CLASRP: variants seen among roughly 807,000 people sequenced by gnomAD.
CLASRP encodes CLK4-associating serine/arginine rich protein.
A neutral mutation model predicts 99.9 loss-of-function variants in CLASRP; 52 were observed. The observed-to-expected ratio is 0.52, with a 90% confidence interval of 0.42 to 0.66. The LOEUF is 0.66. CLASRP is among the 30% of genes least tolerant of loss of function. The pLI is 0.00. For synonymous variants in CLASRP, 379 were observed against 373.0 expected (o/e 1.02, Z -0.18); for missense variants, 848 against 999.2 (o/e 0.85, Z 2.04).
chr19:45,053,123 C>T lies in CLASRP; in HGVS notation c.325C>T (p.Arg109Trp), dbSNP rs925218809. The T allele has an allele frequency of 1.9e-6, 3 of 1,613,998 alleles. No individual in the cohort carries two copies. Among genetic ancestry groups the T allele is most frequent in the Non-Finnish European group, 2.5e-6 (3 of 1,179,998 alleles). Residue 109 changes from arginine (R) to tryptophan (W), a missense_variant, in exon 5 of 21, where the codon CGG becomes TGG. By Grantham distance (101) the Arg-to-Trp change is moderately radical. Coordinates refer to ENST00000221455, the MANE Select transcript of CLASRP (RefSeq NM_007056.3). ...CTCCCCAGAACAGGAGTCGGACGAA[C>T]GGAAGTGTAACTACGAGCGCTACAG... Reference protein sequence around the residue: ...TISPEQESDERKCNYERYRGL... With the variant: ...TISPEQESDEWKCNYERYRGL...
rs1972144382 is a variant in CLASRP at position 45,057,648 on chromosome 19, T to C, written c.465-102T>C. ...GAGGGTCCTAGGCTGAGGGAGAGCC[T>C]GAGGGGAGGGGGCCGTGGCACTCGA... On this transcript the variant is annotated intron_variant, in intron 6 of 20. Transcript: ENST00000221455. 2.2e-6 allele frequency: 3 copies of C among 1,373,444 alleles called. No individual in the cohort carries two copies. In the East Asian group the frequency reaches 6.9e-5, roughly 32 times the overall value. 85.1% of individuals were successfully genotyped at this position (1,373,444 alleles called of 1,614,324 possible).
At position 45,040,267 on chromosome 19, in the gene CLASRP, T is replaced by A; in HGVS notation, c.55T>A (p.Tyr19Asn). 6.2e-7 allele frequency: 1 copy of A among 1,612,430 alleles called. No individual in the cohort carries two copies. ...GAAGCTTCGAGGCATGATGGTCGACTACAAGAAGAGGGCGGAGCGGAGACG... is the reference window on the plus strand; with the variant it reads ...GAAGCTTCGAGGCATGATGGTCGACAACAAGAAGAGGGCGGAGCGGAGACG... ...ERKLRGMMVD[Y>N]KKRAERRREY... The change falls in exon 2 of 21, where the codon TAC becomes AAC. Residue 19 changes from tyrosine to asparagine, a missense_variant. Tyr to Asn is a moderately radical substitution (Grantham distance 143, BLOSUM62 -2). Transcript: ENST00000221455.
rs762972082 is a variant in CLASRP at position 45,052,868 on chromosome 19, A to T, written c.275A>T (p.Tyr92Phe). 2 of 1,610,994 alleles carry T rather than the reference A, an allele frequency of 1.2e-6. No individual in the cohort carries two copies. Among genetic ancestry groups the T allele is most frequent in the East Asian group, 4.5e-5 (2 of 44,818 alleles). Reference protein sequence around the residue: ...VRAHLDHIPDYTPPLLTTISP... With the variant: ...VRAHLDHIPDFTPPLLTTISP... ...GCCCACCTGGACCACATCCCCGACT[A>T]CACCCCCCCTCTGCTCACCACCATG... The change falls in exon 4 of 21, where the codon TAC becomes TTC. Residue 92 changes from tyrosine (Y) to phenylalanine (F), a missense_variant. By Grantham distance (22) the Tyr-to-Phe change is conservative. Around this residue, in one of 8 missense-constraint regions of CLASRP, gnomAD observed 54 missense variants for 38.7 expected, o/e 1.39. Coordinates refer to ENST00000221455, the MANE Select transcript of CLASRP (RefSeq NM_007056.3).
chr19:45,060,800 A>C lies in CLASRP; in HGVS notation c.863+173A>C, dbSNP rs1966922603. Among the ~76,000 whole-genome samples the C allele has an allele frequency of 1.3e-5, 2 of 152,188 alleles. No individual in the cohort carries two copies. The highest frequency in any genetic ancestry group is 1.3e-4 in the Admixed American group (2 of 15,284). On this transcript the variant is annotated intron_variant, in intron 10 of 20. Transcript: ENST00000221455. The surrounding 1 kb of genome is among the most constrained non-coding windows in gnomAD (Gnocchi z 4.6). ...AGAGGTAGGAACGGCCTTGAGGGCC[A>C]TGTGGACTCCTTTCCTTGCCAGCCC...
intron 2 of CLASRP, among the ~76,000 whole-genome samples, chr19:45,047,104 C>G (rs1600096183): frequency 6.6e-6 from 1 of 151,946 alleles, no homozygotes; most frequent in Admixed American, 6.6e-5. Context: ...TAGCAATAGC[C>G]AAGAGGTGGA....
intron 2 of CLASRP, 45 bp from the exon 3 acceptor site, chr19:45,052,026 T>C (rs763169711): frequency 6.6e-7 from 1 of 1,505,510 alleles, no homozygotes; most frequent in Non-Finnish European, 9.2e-7. Context: ...GGGTGGGGTT[T>C]GGAGCTCTGT....
At chr19:45,070,438 C>G (rs1215101602) in intron 19 of CLASRP, 99 bp from the exon 20 acceptor site, 1 of 1,065,664 alleles carries the variant, frequency 9.4e-7, no homozygotes. Context: ...CATTTGGAGA[C>G]AACCCCTGAA....
intron 7 of CLASRP, among the ~76,000 whole-genome samples, chr19:45,058,934 C>T (rs932322224): frequency 6.6e-6 from 1 of 152,012 alleles, no homozygotes; most frequent in African/African-American, 2.4e-5. Flanking sequence ...CCTTCCTTGC[C>T]TCCATTCCAT....
intron 11 of CLASRP, 135 bp from the exon 12 acceptor site, chr19:45,063,877 C>T: frequency 2.3e-6 from 3 of 1,281,400 alleles, no homozygotes; most frequent in Non-Finnish European, 3.2e-6. Context: ...CCACTGCCCT[C>T]CAGGCTCCAT....
chr19:45,045,918 C>T (rs1273581757), intron 2 of CLASRP, among the ~76,000 whole-genome samples: 1 of 152,136 alleles, frequency 6.6e-6, no homozygotes, highest in Non-Finnish European at 1.5e-5. Flanking sequence ...GACTCCAGGC[C>T]CCCTCCCTGT....
At chr19:45,053,368 T>C (rs1972063035) in intron 5 of CLASRP, among the ~76,000 whole-genome samples, 191 bp downstream of exon 5, 1 of 152,218 alleles carries the variant, frequency 6.6e-6, no homozygotes, top group South Asian at 2.1e-4. Flanking sequence ...AGGGGATGTC[T>C]GCCGAATGGG....
chr19:45,064,202 G>A lies in CLASRP; in HGVS notation c.1096G>A (p.Ala366Thr), dbSNP rs759482682. 57 of 1,600,468 alleles carry A rather than the reference G, an allele frequency of 3.6e-5. No homozygotes were observed. Among genetic ancestry groups the A allele is most frequent in the Non-Finnish European group, 4.6e-5 (54 of 1,174,792 alleles). ...CGCACCTCCCCAGCCTGGCGGCCCCGCCCCGGGACGTAATGCCAGCGCCCG... is the reference window on the plus strand; with the variant it reads ...CGCACCTCCCCAGCCTGGCGGCCCCACCCCGGGACGTAATGCCAGCGCCCG... ...PPAPPQPGGP[A>T]PGRNASARRR... Residue 366 changes from alanine to threonine, a missense_variant, in exon 12 of 21, where the codon GCC becomes ACC. Transcript: ENST00000221455.
intron 1 of CLASRP, chr19:45,039,925 A>G (rs1971781157): frequency 3.7e-6 from 1 of 270,974 alleles, no homozygotes; most frequent in South Asian, 5.1e-5. Flanking sequence ...CAGCGCGTGG[A>G]ATCTAGGACA....
intron 2 of CLASRP, among the ~76,000 whole-genome samples, chr19:45,048,366 C>A (rs1455916888): frequency 6.6e-6 from 1 of 150,674 alleles, no homozygotes; most frequent in Non-Finnish European, 1.5e-5. Flanking sequence ...GAAATCCCGT[C>A]TCTACTAAAA....
rs953726439 is a variant in CLASRP, at chr19:45,064,769, G to C, written c.1409+139G>C. Reference sequence around the variant, plus strand: ...TCTAAGGGGACAGGCACAGGCCACTGCTCTTCCGCAGGAAGCCCTTGGTTG... The same window carrying C: ...TCTAAGGGGACAGGCACAGGCCACTCCTCTTCCGCAGGAAGCCCTTGGTTG... On this transcript the variant is annotated intron_variant, in intron 13 of 20. Transcript: ENST00000221455. 8.5e-6 allele frequency: 12 copies of C among 1,412,410 alleles called. No individual in the cohort carries two copies. The African/African-American group carries it at 1.7e-4, about 20-fold the overall frequency. 87.5% of individuals were successfully genotyped at this position (1,412,410 alleles called of 1,614,324 possible).
At chr19:45,052,209 G>A (rs541726457) in intron 3 of CLASRP, 41 bp downstream of exon 3, 13 of 1,578,716 alleles carry the variant, frequency 8.2e-6, no homozygotes, top group Non-Finnish European at 1.0e-5. Flanking sequence ...CTGAAGTCTG[G>A]GAGTCAAAAC....
intron 1 of CLASRP, 191 bp from the exon 2 acceptor site, chr19:45,039,993 G>A (rs1234884725): frequency 6.9e-6 from 3 of 433,556 alleles, no homozygotes; most frequent in Non-Finnish European, 1.3e-5. Context: ...GAATGCCCAA[G>A]CTTCTAGATC....
At position 45,050,282 on chromosome 19, in the gene CLASRP, C is replaced by T. The variant is rs142749592; in HGVS notation, c.100-1789C>T. ...AGCCCAGCCTGGACCAGACTGCATCCACACATTGAAAGATGACCAACATCA... is the reference window on the plus strand; with the variant it reads ...AGCCCAGCCTGGACCAGACTGCATCTACACATTGAAAGATGACCAACATCA... On this transcript the variant is annotated intron_variant, in intron 2 of 20. Transcript: ENST00000221455. 8.9e-3 allele frequency among the ~76,000 whole-genome samples: 1,350 copies of T among 152,242 alleles called. 6 individuals are homozygous for T. Among genetic ancestry groups the T allele is most frequent in the South Asian group, 0.018 (85 of 4,822 alleles).
intron 20 of CLASRP, 88 bp from the exon 21 acceptor site, chr19:45,070,715 A>G (rs1967222092): frequency 7.5e-7 from 1 of 1,328,218 alleles, no homozygotes; most frequent in East Asian, 2.3e-5. Context: ...TCCACAGACA[A>G]GTGCCCCGAT....
Sources: allele counts gnomAD v4.1 joint callset (sites outside exome capture counted in the v4.1 genomes callset), GRCh38; gene constraint gnomAD v4.1.1; regional missense constraint gnomAD v4.1.1; non-coding constraint Gnocchi (gnomAD v3.1); transcripts MANE v1.5; gene names NCBI Gene and HGNC (gene_info 2026-07-23, HGNC 2026-07-21).